The following FGGY variants were observed in gnomAD, a reference collection of about 807,000 sequenced individuals.
The protein encoded by FGGY is FGGY carbohydrate kinase domain containing.
FGGY carries 72 observed loss-of-function variants against 71.3 expected under a neutral mutation model. The observed-to-expected ratio is 1.01, with a 90% CI of 0.84 to 1.23. The LOEUF is 1.23. FGGY is among the 50% of genes most tolerant of loss of function. FGGY has a pLI of 0.00. For synonymous variants in FGGY, 251 were observed against 250.3 expected (o/e 1.00, Z -0.02); for missense variants, 668 against 682.3 (o/e 0.98, Z 0.23).
chr1:59,573,632 T>C (rs998477869), intron 8 of FGGY, among the ~76,000 whole-genome samples: 1 of 152,210 alleles, frequency 6.6e-6, no homozygotes, highest in African/African-American at 2.4e-5. Flanking sequence ...TAAAACATTT[T>C]AAAAGTGTTT....
intron 7 of FGGY, among the ~76,000 whole-genome samples, chr1:59,526,600 G>A (rs1418704270): frequency 6.6e-6 from 1 of 152,208 alleles, no homozygotes; most frequent in Non-Finnish European, 1.5e-5. Flanking sequence ...TCCAGGACAA[G>A]TTAGGAGGTG....
At chr1:59,753,467 AATATATAT>A (rs57074120) in intron 14 of FGGY, among the ~76,000 whole-genome samples, 1,335 of 47,766 alleles carry the variant, frequency 0.028, 22 homozygotes, top group East Asian at 0.052. Context: ...CATAACTTTA[AATATATAT>A]ATATATATAT....
chr1:59,570,864 G>A (rs1432548007), intron 8 of FGGY, among the ~76,000 whole-genome samples: 1 of 152,186 alleles, frequency 6.6e-6, no homozygotes, highest in Non-Finnish European at 1.5e-5. Flanking sequence ...TTCTGATCAG[G>A]TCTTGGAGTG....
At chr1:59,641,371 G>T in intron 11 of FGGY, 1 of 1,585,386 alleles carries the variant, frequency 6.3e-7, no homozygotes. Context: ...TTCTTGCATT[G>T]TTAAACATTT....
At chr1:59,729,343 A>G (rs950560473) in intron 14 of FGGY, among the ~76,000 whole-genome samples, 1 of 152,154 alleles carries the variant, frequency 6.6e-6, no homozygotes, top group Non-Finnish European at 1.5e-5. Flanking sequence ...TGATAATTCT[A>G]ACATTTGTGT....
At chr1:59,757,070 A>G (rs1253593505) in intron 14 of FGGY, among the ~76,000 whole-genome samples, 2 of 152,172 alleles carry the variant, frequency 1.3e-5, no homozygotes, top group Non-Finnish European at 2.9e-5. Context: ...GAATGACTGC[A>G]TCCTTAGCAA....
chr1:59,357,052 A>G (rs969488186), intron 4 of FGGY, among the ~76,000 whole-genome samples: 1 of 152,198 alleles, frequency 6.6e-6, no homozygotes, highest in African/African-American at 2.4e-5. Flanking sequence ...TGAGGAATGA[A>G]GACAGTATTG....
At chr1:59,454,608 A>T (rs367642186) in intron 5 of FGGY, among the ~76,000 whole-genome samples, 1 of 152,108 alleles carries the variant, frequency 6.6e-6, no homozygotes, top group Non-Finnish European at 1.5e-5. Context: ...ACTCAGTGCT[A>T]CCTCCTCTAT....
intron 8 of FGGY, among the ~76,000 whole-genome samples, chr1:59,576,735 A>G (rs1443440421): frequency 1.3e-5 from 2 of 151,722 alleles, no homozygotes; most frequent in East Asian, 3.9e-4. Flanking sequence ...AAATTGAGTA[A>G]ATGATCTTCC....
chr1:59,488,503 A>G (rs1291683093), intron 6 of FGGY, among the ~76,000 whole-genome samples: 1 of 147,194 alleles, frequency 6.8e-6, no homozygotes, highest in African/African-American at 2.5e-5. Context: ...GTGTGTATAT[A>G]TATGTATTAT....
intron 1 of FGGY, among the ~76,000 whole-genome samples, chr1:59,312,695 T>A (rs1276914049): frequency 6.6e-6 from 1 of 152,238 alleles, no homozygotes; most frequent in Non-Finnish European, 1.5e-5. Context: ...GGACCTGTTC[T>A]GTGCATTTGG....
chr1:59,655,925 C>T (rs1338346392), intron 11 of FGGY, among the ~76,000 whole-genome samples: 1 of 152,160 alleles, frequency 6.6e-6, no homozygotes, highest in East Asian at 1.9e-4. Flanking sequence ...AGGTGCCTTC[C>T]TCTAAAGCTC....
chr1:59,353,088 A>G (rs2053609557), intron 4 of FGGY, among the ~76,000 whole-genome samples: 3 of 152,218 alleles, frequency 2.0e-5, no homozygotes, highest in Admixed American at 2.0e-4. Context: ...CCAAACTTGC[A>G]TTTAAATTTT....
intron 14 of FGGY, among the ~76,000 whole-genome samples, chr1:59,737,017 G>A (rs2098111960): frequency 6.6e-6 from 1 of 152,246 alleles, no homozygotes; most frequent in African/African-American, 2.4e-5. Flanking sequence ...AGCTGCTCCA[G>A]CCATGGCTGA....
chr1:59,539,635 A>T (rs986651743), intron 7 of FGGY, among the ~76,000 whole-genome samples: 1 of 152,202 alleles, frequency 6.6e-6, no homozygotes, highest in African/African-American at 2.4e-5. Flanking sequence ...TTAAGTATGA[A>T]ATTTAAAAAA....
At chr1:59,515,545 C>G (rs1201117721) in intron 7 of FGGY, among the ~76,000 whole-genome samples, 1 of 152,150 alleles carries the variant, frequency 6.6e-6, no homozygotes, top group African/African-American at 2.4e-5. Flanking sequence ...GGCTGTGTCT[C>G]TATTCAAATC....
At chr1:59,457,275 TG>T (rs2091797086) in intron 6 of FGGY, among the ~76,000 whole-genome samples, 199 bp downstream of exon 6, 1 of 152,154 alleles carries the variant, frequency 6.6e-6, no homozygotes, top group African/African-American at 2.4e-5. Context: ...TTATATGAAC[TG>T]AGTAGAGATA....
intron 7 of FGGY, among the ~76,000 whole-genome samples, chr1:59,531,639 T>C (rs902370919): frequency 6.6e-6 from 1 of 152,148 alleles, no homozygotes; most frequent in African/African-American, 2.4e-5. Flanking sequence ...ACTATGAGCA[T>C]TTGCTGAGTT....
intron 8 of FGGY, among the ~76,000 whole-genome samples, chr1:59,588,377 A>T (rs961957842): frequency 2.0e-5 from 3 of 152,038 alleles, no homozygotes; most frequent in African/African-American, 7.2e-5. Flanking sequence ...TCTGCAGGAT[A>T]TTATCCAGGA....
Sources: allele counts gnomAD v4.1 joint callset (sites outside exome capture counted in the v4.1 genomes callset), GRCh38; gene constraint gnomAD v4.1.1; transcripts MANE v1.5; gene names NCBI Gene and HGNC (gene_info 2026-07-23, HGNC 2026-07-21).